ACMSD: variants seen among roughly 807,000 people sequenced by gnomAD.
ACMSD encodes 2-amino-3-carboxymuconate-6-semialdehyde decarboxylase.
A neutral mutation model predicts 45.9 loss-of-function variants in ACMSD; 37 were observed. The observed-to-expected ratio is 0.81, with a 90% CI of 0.62 to 1.06. ACMSD has a LOEUF of 1.06. Ranked by LOEUF, ACMSD falls within the 50% of genes least tolerant of loss-of-function variation. The probability of loss-of-function intolerance (pLI) is 0.00; values close to 1 mark genes in which losing one functional copy is unlikely to be tolerated. For missense variants in ACMSD, 434 were observed against 420.9 expected (o/e 1.03, Z -0.27); for synonymous variants, 138 against 148.8 (o/e 0.93, Z 0.53).
At chr2:134,854,496 G>C (rs1480351091) in intron 2 of ACMSD, among the ~76,000 whole-genome samples, 1 of 152,196 alleles carries the variant, frequency 6.6e-6, no homozygotes, top group African/African-American at 2.4e-5. Context: ...CAAGGCTGGA[G>C]ACTAGAAGCT....
At position 134,870,995 on chromosome 2, in the gene ACMSD, G is replaced by C. The variant is rs770461483; in HGVS notation, c.611G>C (p.Cys204Ser). ...CCAGCAGAGACCACCATAGCCATTTGCTCCATGATCATGGGTGGAGTATTT... is the reference window on the plus strand; with the variant it reads ...CCAGCAGAGACCACCATAGCCATTTCCTCCATGATCATGGGTGGAGTATTT... ...GMPAETTIAI[C>S]SMIMGGVFEK... The change falls in exon 7 of 10, where the codon TGC becomes TCC. Residue 204 changes from cysteine to serine, a missense_variant. Coordinates refer to ENST00000356140, the MANE Select transcript of ACMSD (RefSeq NM_138326.3). The C allele has an allele frequency of 1.9e-6, 3 of 1,614,094 alleles. No individual in the cohort carries two copies. The Admixed American group carries it at 5.0e-5, about 27-fold the overall frequency.
chr2:134,868,956 T>C (rs1207550381), intron 6 of ACMSD: 1 of 152,198 alleles, frequency 6.6e-6, no homozygotes, highest in Non-Finnish European at 1.5e-5. Flanking sequence ...CCATGGGCCG[T>C]GGTCCCTCAT....
Position 134,852,874 on chromosome 2 carries a change from T to C in ACMSD, c.103-6387T>C, listed in dbSNP as rs146529005. ...GATGGTGAAAGACTGAGTTTAAAAA[T>C]ACATTTCTGGCTGGGCATGGTGCCT... On this transcript the variant is annotated intron_variant, in intron 2 of 9. Transcript: ENST00000356140. Among the ~76,000 whole-genome samples, 20 of 151,908 alleles carry C rather than the reference T, an allele frequency of 1.3e-4. No individual in the cohort carries two copies. In the East Asian group the frequency reaches 3.3e-3, roughly 25 times the overall value.
At chr2:134,852,586 G>A (rs1687394436) in intron 2 of ACMSD, among the ~76,000 whole-genome samples, 1 of 152,156 alleles carries the variant, frequency 6.6e-6, no homozygotes, top group Non-Finnish European at 1.5e-5. Flanking sequence ...CAACCCAGAA[G>A]GAAAAGCAGG....
At position 134,870,521 on chromosome 2, in the gene ACMSD, CATT is replaced by C. The variant is rs760119715; in HGVS notation, c.581-440_581-438del. Among the ~76,000 whole-genome samples, 16 of 152,296 alleles carry C rather than the reference CATT, an allele frequency of 1.1e-4. No homozygotes were observed. The South Asian group carries it at 1.7e-3, about 16-fold the overall frequency. ...TTCTGTCCGGGAACTTGGCCGACAT[CATT>C]ATTTGCAAGGCTCCACAACAGTCTT... On this transcript the variant is annotated intron_variant, in intron 6 of 9. Transcript: ENST00000356140.
At chr2:134,872,113 C>T (rs900898979) in intron 7 of ACMSD, among the ~76,000 whole-genome samples, 4 of 152,060 alleles carry the variant, frequency 2.6e-5, no homozygotes, top group African/African-American at 9.7e-5. Context: ...TGTGCCACCA[C>T]ACCCAACTAA....
chr2:134,888,847 G>C (rs1689612787), intron 8 of ACMSD, among the ~76,000 whole-genome samples: 1 of 152,152 alleles, frequency 6.6e-6, no homozygotes, highest in African/African-American at 2.4e-5. Context: ...GGAGAACTGA[G>C]AGGAGAGAAT....
chr2:134,843,866 C>T (rs1325575878), intron 1 of ACMSD, among the ~76,000 whole-genome samples: 1 of 152,232 alleles, frequency 6.6e-6, no homozygotes, highest in Non-Finnish European at 1.5e-5. Context: ...CCTCCCAATA[C>T]CGCAGCCCAA....
chr2:134,863,658 G>T (rs753994093), intron 5 of ACMSD, 27 bp downstream of exon 5: 3 of 1,609,910 alleles, frequency 1.9e-6, no homozygotes, highest in Admixed American at 1.7e-5. Context: ...CTCAGCCAAC[G>T]CCAGCCGCCC....
At chr2:134,874,895 C>G (rs1431271823) in intron 8 of ACMSD, among the ~76,000 whole-genome samples, 1 of 152,142 alleles carries the variant, frequency 6.6e-6, no homozygotes, top group Non-Finnish European at 1.5e-5. Flanking sequence ...TAAATACTCT[C>G]TAAAGTTAGT....
At chr2:134,855,211 C>A (rs1687525424) in intron 2 of ACMSD, among the ~76,000 whole-genome samples, 1 of 152,056 alleles carries the variant, frequency 6.6e-6, no homozygotes, top group African/African-American at 2.4e-5. Flanking sequence ...TATTTTAAGC[C>A]CCTCAAGAAC....
intron 8 of ACMSD, among the ~76,000 whole-genome samples, chr2:134,886,749 T>C (rs1171048895): frequency 6.6e-6 from 1 of 152,050 alleles, no homozygotes; most frequent in African/African-American, 2.4e-5. Flanking sequence ...TCCTACCCAG[T>C]ACAAGAAAAC....
chr2:134,874,697 T>C (rs1255184725), intron 8 of ACMSD, among the ~76,000 whole-genome samples: 2 of 145,906 alleles, frequency 1.4e-5, no homozygotes, highest in South Asian at 2.3e-4. Context: ...GAAAAGGAAA[T>C]AATCAACTCC....
At chr2:134,871,115 T>TG in intron 7 of ACMSD, 55 bp downstream of exon 7, 1 of 1,432,292 alleles carries the variant, frequency 7.0e-7, no homozygotes, top group Non-Finnish European at 9.8e-7. Flanking sequence ...ATCCCACAGA[T>TG]GGGGTGACTG....
At chr2:134,890,297 AT>A (rs1689701965) in intron 8 of ACMSD, among the ~76,000 whole-genome samples, 1 of 152,094 alleles carries the variant, frequency 6.6e-6, no homozygotes, top group Non-Finnish European at 1.5e-5. Context: ...CAAATGCGTA[AT>A]TTGTACACAA....
chr2:134,840,256 T>C (rs1686742633), intron 1 of ACMSD, among the ~76,000 whole-genome samples: 1 of 137,740 alleles, frequency 7.3e-6, no homozygotes, highest in Non-Finnish European at 1.5e-5. Flanking sequence ...CCACATGAAA[T>C]GCTTTGGAAA....
chr2:134,898,277 T>A, intron 8 of ACMSD, 64 bp from the exon 9 acceptor site: 1 of 982,134 alleles, frequency 1.0e-6, no homozygotes, highest in Non-Finnish European at 1.5e-6. Flanking sequence ...AAGTAAACAA[T>A]TGTTTACAGG....
intron 8 of ACMSD, among the ~76,000 whole-genome samples, chr2:134,892,559 G>A (rs572040429): frequency 2.0e-5 from 3 of 152,240 alleles, no homozygotes; most frequent in African/African-American, 7.2e-5. Context: ...CATGGAAGGC[G>A]CTAGGTAATT....
At chr2:134,858,839 T>C (rs1687710961) in intron 2 of ACMSD, among the ~76,000 whole-genome samples, 1 of 151,394 alleles carries the variant, frequency 6.6e-6, no homozygotes, top group South Asian at 2.1e-4. Flanking sequence ...ATATATTGCT[T>C]CTCCATAAAA....
Sources: gnomAD v4.1 joint callset for allele counts (sites outside exome capture counted in the v4.1 genomes callset) on GRCh38, gnomAD v4.1.1 for gene constraint, MANE v1.5 for transcripts, NCBI Gene and HGNC (gene_info 2026-07-23, HGNC 2026-07-21) for gene names.